KCNA7: variants seen among roughly 807,000 people sequenced by gnomAD.
The protein encoded by KCNA7 is potassium channel, voltage gated shaker related subfamily A, member 7.
A neutral mutation model predicts 21.5 loss-of-function variants in KCNA7; 15 were observed. The ratio of observed to expected loss-of-function variants is 0.70; its 90% CI spans 0.47 to 1.07. The LOEUF (loss-of-function observed/expected upper bound fraction) is 1.07, where lower values mean the gene tolerates loss of function less well. KCNA7 is among the 50% of genes least tolerant of loss of function. The pLI, the probability that KCNA7 is intolerant of heterozygous loss-of-function variation, is 0.00. For missense variants in KCNA7, 640 were observed against 651.6 expected, an observed-to-expected ratio of 0.98 and a Z score of 0.19; for synonymous variants, 298 against 291.0, an observed-to-expected ratio of 1.02 and a Z score of -0.24.
chr19:49,070,908 C>A lies in KCNA7; in HGVS notation c.556-30G>T, dbSNP rs754757558. 3 of 1,575,772 alleles carry A rather than the reference C, an allele frequency of 1.9e-6. No individual in the cohort carries two copies. The African/African-American group carries it at 4.1e-5, about 21-fold the overall frequency. ...AGGGAGGAAAGTGTTCAGGGAGGGTCAGGCTGGGGCTAGGACACGGGGACA... is the reference window on the plus strand; with the variant it reads ...AGGGAGGAAAGTGTTCAGGGAGGGTAAGGCTGGGGCTAGGACACGGGGACA... On this transcript the variant is annotated intron_variant, in intron 1 of 1. Transcript: ENST00000221444. This position sits in a 1 kb window ranked among gnomAD's most constrained non-coding sequence, Gnocchi z 4.3.
intron 1 of KCNA7, 66 bp downstream of exon 1, chr19:49,071,965 T>C: frequency 7.4e-7 from 1 of 1,359,994 alleles, no homozygotes. Context: ...ATTGGCCAGG[T>C]CCCCTCTGGA....
In KCNA7 at chr19:49,072,622, T is replaced by C. The variant is rs1046853515; in HGVS notation, c.-37A>G. 2 of 1,141,246 alleles carry C rather than the reference T, an allele frequency of 1.8e-6. No homozygotes were observed. The highest frequency in any genetic ancestry group is 1.6e-5 in the African/African-American group (1 of 60,692). 70.7% of individuals were successfully genotyped at this position (1,141,246 alleles called of 1,614,324 possible). On this transcript the variant is annotated 5_prime_UTR_variant, in exon 1 of 2. Coordinates refer to ENST00000221444, the MANE Select transcript of KCNA7 (RefSeq NM_031886.3). ...CCCCGGCGACCCGCGAACCGACGTG[T>C]GGCCCCGACGCCCGGCCCCGGTGCG...
intron 1 of KCNA7, 86 bp downstream of exon 1, chr19:49,071,945 C>A: frequency 7.5e-7 from 1 of 1,334,426 alleles, no homozygotes. Flanking sequence ...GCCCCTGGCC[C>A]CGCCTTATGA....
In KCNA7 at chr19:49,069,889, A is replaced by G. The variant is rs2040243818; in HGVS notation, c.*174T>C. 1 of 596,274 alleles carries G rather than the reference A, an allele frequency of 1.7e-6. No homozygotes were observed. Among genetic ancestry groups the G allele is most frequent in the Non-Finnish European group, 3.0e-6 (1 of 337,020 alleles). 36.9% of individuals were successfully genotyped at this position (596,274 alleles called of 1,614,324 possible). Reference sequence around the variant, plus strand: ...CGCTGCTGCTTCAGGAGGTACCCACAGGAGCTACCAAACCACACAACCCAA... The same window carrying G: ...CGCTGCTGCTTCAGGAGGTACCCACGGGAGCTACCAAACCACACAACCCAA... On this transcript the variant is annotated 3_prime_UTR_variant, in exon 2 of 2. Transcript: ENST00000221444.
intron 1 of KCNA7, among the ~76,000 whole-genome samples, chr19:49,071,294 A>C (rs764494043): frequency 2.0e-5 from 3 of 152,000 alleles, no homozygotes; most frequent in Non-Finnish European, 4.4e-5. Flanking sequence ...GCGGTGGCTC[A>C]CGTCTGTAAT....
At chr19:49,071,915 C>T (rs1410542737) in intron 1 of KCNA7, 116 bp downstream of exon 1, 12 of 518,150 alleles carry the variant, frequency 2.3e-5, no homozygotes, top group Non-Finnish European at 3.1e-5. Context: ...ACCCTGTCTT[C>T]GGCTGGCCCA....
intron 1 of KCNA7, 101 bp downstream of exon 1, chr19:49,071,930 T>C (rs1204209999): frequency 9.2e-4 from 179 of 194,882 alleles, no homozygotes; most frequent in South Asian, 2.6e-3. Flanking sequence ...GGCCCACCCC[T>C]CGCAGCCCCT....
At position 49,071,005 on chromosome 19, in the gene KCNA7, G is replaced by A. The variant is rs77158508; in HGVS notation, c.556-127C>T. The A allele has an allele frequency of 8.8e-3, 6,676 of 759,780 alleles. 162 individuals carry two copies. The highest frequency in any genetic ancestry group is 0.076 in the African/African-American group (4,280 of 56,438). 47.1% of individuals were successfully genotyped at this position (759,780 alleles called of 1,614,324 possible). ...AGTAGCCGCTGCGCCAAGGCCCTCC[G>A]TGACCTGGTTATCCCAGACTTCCTC... On this transcript the variant is annotated intron_variant, in intron 1 of 1. Coordinates refer to ENST00000221444, the MANE Select transcript of KCNA7 (RefSeq NM_031886.3).
Position 49,069,271 on chromosome 19 carries a change from A to G in KCNA7, c.*792T>C, listed in dbSNP as rs1246358205. 6.6e-6 allele frequency: 1 copy of G among 152,062 alleles called. No individual in the cohort carries two copies. The highest frequency in any genetic ancestry group is 1.9e-4 in the East Asian group (1 of 5,190). The allele number at this position is 152,062 out of a possible 1,614,324, so 9.4% of individuals were successfully genotyped here. On this transcript the variant is annotated 3_prime_UTR_variant, in exon 2 of 2. Coordinates refer to ENST00000221444, the MANE Select transcript of KCNA7 (RefSeq NM_031886.3). ...ACTCAATTCAGCATGGCCCTATGAGACTCAAACAGTGGCATGACCCAACTG... is the reference window on the plus strand; with the variant it reads ...ACTCAATTCAGCATGGCCCTATGAGGCTCAAACAGTGGCATGACCCAACTG...
Position 49,069,826 on chromosome 19 carries a change from A to C in KCNA7, c.*237T>G. On this transcript the variant is annotated 3_prime_UTR_variant, in exon 2 of 2. Coordinates refer to ENST00000221444, the MANE Select transcript of KCNA7 (RefSeq NM_031886.3). ...GCACAACTCAGAGTAATATGAACCA[A>C]TTGAGTCTTCATTAACACAACACAA... 1.8e-6 allele frequency: 1 copy of C among 542,698 alleles called. No individual in the cohort carries two copies. Among genetic ancestry groups the C allele is most frequent in the Non-Finnish European group, 3.3e-6 (1 of 305,276 alleles). The allele number at this position is 542,698 out of a possible 1,614,324, so 33.6% of individuals were successfully genotyped here. A position where few individuals can be genotyped will look rare whatever the true frequency, so the allele number is the denominator to read the frequency against.
In KCNA7 at chr19:49,072,463, G is replaced by A. The variant is rs1429734595; in HGVS notation, c.123C>T (p.Asp41=). 1 of 1,570,294 alleles carries A rather than the reference G, an allele frequency of 6.4e-7. No individual in the cohort carries two copies. The highest frequency in any genetic ancestry group is 8.6e-7 in the Non-Finnish European group (1 of 1,167,768). ...CGTAGAAGCGGCCGCGGCGCGCTGGGTCCCCTAGCAGAGTGTCCGGGAAGC... is the reference window on the plus strand; with the variant it reads ...CGTAGAAGCGGCCGCGGCGCGCTGGATCCCCTAGCAGAGTGTCCGGGAAGC... ...LGRFPDTLLG[D]PARRGRFYDD... The change falls in exon 1 of 2, where the codon GAC becomes GAT. Residue 41 remains aspartate, a synonymous_variant. Coordinates refer to ENST00000221444, the MANE Select transcript of KCNA7 (RefSeq NM_031886.3).
rs994466744 is a variant in KCNA7 at position 49,068,907 on chromosome 19, T to C, written c.*1156A>G. 1 of 152,118 alleles carries C rather than the reference T, an allele frequency of 6.6e-6. No individual in the cohort carries two copies. Among genetic ancestry groups the C allele is most frequent in the Non-Finnish European group, 1.5e-5 (1 of 68,054 alleles). The allele number at this position is 152,118 out of a possible 1,614,324, so 9.4% of individuals were successfully genotyped here. ...CTGAGCATAAAACTGTAGGGGAGAA[T>C]GGGAGTGAACAGCACAATGAAGTGG... On this transcript the variant is annotated 3_prime_UTR_variant, in exon 2 of 2. Coordinates refer to ENST00000221444, the MANE Select transcript of KCNA7 (RefSeq NM_031886.3).
chr19:49,071,575 AG>A (rs1456415232), intron 1 of KCNA7, among the ~76,000 whole-genome samples: 1 of 149,920 alleles, frequency 6.7e-6, no homozygotes. Context: ...AAAAAAAAAA[AG>A]ACCTTCTCTG....
chr19:49,070,303 C>A lies in KCNA7; in HGVS notation c.1131G>T (p.Leu377=). 3 of 1,614,198 alleles carry A rather than the reference C, an allele frequency of 1.9e-6. No homozygotes were observed. The highest frequency in any genetic ancestry group is 1.6e-4 in the Middle Eastern group (1 of 6,062). ...VTVGGKIVGS[L]CAIAGVLTIS... ...TAGTCAGCACGCCCGCAATGGCACACAGAGAGCCCACTATCTTGCCACCCA... is the reference window on the plus strand; with the variant it reads ...TAGTCAGCACGCCCGCAATGGCACAAAGAGAGCCCACTATCTTGCCACCCA... The change falls in exon 2 of 2, where the codon CTG becomes CTT. Residue 377 remains leucine (L), a synonymous_variant. Transcript: ENST00000221444. The surrounding 1 kb of genome is among the most constrained non-coding windows in gnomAD (Gnocchi z 4.3).
In KCNA7 at chr19:49,070,844, G is replaced by A; in HGVS notation, c.590C>T (p.Pro197Leu). The A allele has an allele frequency of 1.9e-6, 3 of 1,614,074 alleles. No homozygotes were observed. Among genetic ancestry groups the A allele is most frequent in the Non-Finnish European group, 2.5e-6 (3 of 1,179,960 alleles). ...GAAGGGCAGGCGGGGTGGATTTCCA[G>A]GCATTTGGCTGGAGCCATTCAGCGG... The part of the protein sequence containing the change: ...PAPLNGSSQM[P>L]GNPPRLPFND... Residue 197 changes from proline to leucine, a missense_variant, in exon 2 of 2, where the codon CCT becomes CTT. Pro to Leu is a moderately conservative substitution (Grantham distance 98). Coordinates refer to ENST00000221444, the MANE Select transcript of KCNA7 (RefSeq NM_031886.3). This position sits in a 1 kb window ranked among gnomAD's most constrained non-coding sequence, Gnocchi z 4.3.
intron 1 of KCNA7, 123 bp downstream of exon 1, chr19:49,071,908 C>CCCTTTT: frequency 8.6e-6 from 8 of 926,932 alleles, no homozygotes; most frequent in Admixed American, 2.9e-5. Flanking sequence ...CCCGCCCACC[C>CCCTTTT]TGTCTTCGGC....
chr19:49,070,122 G>T lies in KCNA7; in HGVS notation c.1312C>A (p.Pro438Thr). Residue 438 changes from proline (P) to threonine (T), a missense_variant, in exon 2 of 2, where the codon CCT becomes ACT. Transcript: ENST00000221444. This position sits in a 1 kb window ranked among gnomAD's most constrained non-coding sequence, Gnocchi z 4.3. ...ANGGLVDGEV[P>T]ELPPPLWAPP... ...GCCCAGAGTGGAGGTGGTAGCTCAGGTACCTCCCCGTCCACCAGCCCCCCA... is the reference window on the plus strand; with the variant it reads ...GCCCAGAGTGGAGGTGGTAGCTCAGTTACCTCCCCGTCCACCAGCCCCCCA... 2 of 1,613,228 alleles carry T rather than the reference G, an allele frequency of 1.2e-6. No homozygotes were observed. The highest frequency in any genetic ancestry group is 1.7e-6 in the Non-Finnish European group (2 of 1,179,648).
At chr19:49,071,937 C>T (rs1266997648) in intron 1 of KCNA7, 94 bp downstream of exon 1, 3 of 1,280,706 alleles carry the variant, frequency 2.3e-6, no homozygotes, top group East Asian at 2.7e-5. Context: ...CCCTCGCAGC[C>T]CCTGGCCCCG....
In KCNA7 at chr19:49,069,941, A is replaced by C. The variant is rs973030348; in HGVS notation, c.*122T>G. On this transcript the variant is annotated 3_prime_UTR_variant, in exon 2 of 2. Transcript: ENST00000221444. ...ACCCAACAAGACTCAGTGTTTCCCC[A>C]CTCGTTACGACTTAACCTAGCTCTT... 1 of 732,974 alleles carries C rather than the reference A, an allele frequency of 1.4e-6. No individual in the cohort carries two copies. The highest frequency in any genetic ancestry group is 2.8e-5 in the Admixed American group (1 of 35,974). The allele number at this position is 732,974 out of a possible 1,614,324, so 45.4% of individuals were successfully genotyped here.
Sources: gnomAD v4.1 joint callset for allele counts (sites outside exome capture counted in the v4.1 genomes callset) on GRCh38, gnomAD v4.1.1 for gene constraint, Gnocchi (gnomAD v3.1) non-coding constraint, MANE v1.5 for transcripts, NCBI Gene and HGNC (gene_info 2026-07-23, HGNC 2026-07-21) for gene names.